The following CCSER1 variants were observed in gnomAD, a reference collection of about 807,000 sequenced individuals.
The protein encoded by CCSER1 is coiled-coil serine rich protein 1.
Under a neutral mutation model 82.0 loss-of-function variants are expected in CCSER1, and 41 were observed. The observed-to-expected ratio is 0.50, with a 90% confidence interval of 0.39 to 0.65. The LOEUF (loss-of-function observed/expected upper bound fraction) is 0.65, where lower values mean the gene tolerates loss of function less well. CCSER1 is among the 30% of genes least tolerant of loss of function. The pLI is 0.00. For synonymous variants in CCSER1, 414 were observed against 383.9 expected (o/e 1.08, Z -0.92); for missense variants, 1,119 against 1,064.2 (o/e 1.05, Z -0.72).
intron 1 of CCSER1, among the ~76,000 whole-genome samples, chr4:90,221,179 A>T (rs891437269): frequency 2.6e-5 from 4 of 152,148 alleles, no homozygotes; most frequent in Non-Finnish European, 5.9e-5. Flanking sequence ...ATCCTAAACT[A>T]TTATAAGTTT....
At chr4:91,076,359 T>A (rs748718677) in intron 9 of CCSER1, among the ~76,000 whole-genome samples, 19 of 151,954 alleles carry the variant, frequency 1.3e-4, no homozygotes, top group Non-Finnish European at 2.8e-4. Context: ...AAATGCTTAT[T>A]CCCAGCTCCT....
At chr4:91,379,037 A>G (rs1184045110) in intron 10 of CCSER1, among the ~76,000 whole-genome samples, 2 of 152,174 alleles carry the variant, frequency 1.3e-5, no homozygotes, top group East Asian at 1.9e-4. Context: ...GGTTCTGTTT[A>G]TATGCTGGAT....
intron 9 of CCSER1, among the ~76,000 whole-genome samples, chr4:91,073,878 A>G (rs1237925674): frequency 1.3e-5 from 2 of 152,122 alleles, no homozygotes; most frequent in African/African-American, 4.8e-5. Flanking sequence ...GAGATCATCC[A>G]TTACAACTCT....
intron 6 of CCSER1, among the ~76,000 whole-genome samples, chr4:90,631,731 A>G (rs1579593664): frequency 6.6e-6 from 1 of 152,298 alleles, no homozygotes; most frequent in South Asian, 2.1e-4. Flanking sequence ...CCTAATCTGA[A>G]AATCCAAAAT....
intron 3 of CCSER1, among the ~76,000 whole-genome samples, chr4:90,361,628 G>A (rs1745396789): frequency 6.6e-6 from 1 of 152,188 alleles, no homozygotes; most frequent in South Asian, 2.1e-4. Context: ...TACCCAATAG[G>A]TAGTTTTTCA....
intron 10 of CCSER1, among the ~76,000 whole-genome samples, chr4:91,408,709 T>G (rs1471329231): frequency 1.3e-5 from 2 of 152,208 alleles, no homozygotes; most frequent in Non-Finnish European, 2.9e-5. Context: ...AATTTCCACA[T>G]GCCTTGTATT....
intron 10 of CCSER1, among the ~76,000 whole-genome samples, chr4:91,348,714 A>T (rs1748243695): frequency 6.6e-6 from 1 of 152,150 alleles, no homozygotes; most frequent in Non-Finnish European, 1.5e-5. Flanking sequence ...CATTTCATCC[A>T]GGTTATCAAA....
intron 10 of CCSER1, among the ~76,000 whole-genome samples, chr4:91,311,535 C>G (rs758639619): frequency 1.3e-5 from 2 of 151,828 alleles, no homozygotes; most frequent in African/African-American, 2.4e-5. Context: ...TGCCTATTAT[C>G]TTTGTGCAAA....
intron 1 of CCSER1, among the ~76,000 whole-genome samples, chr4:90,208,303 A>G (rs968584471): frequency 2.6e-5 from 4 of 152,168 alleles, no homozygotes; most frequent in African/African-American, 9.6e-5. Context: ...TTTATGCTGT[A>G]AAGGGAAAAT....
intron 10 of CCSER1, among the ~76,000 whole-genome samples, chr4:91,188,120 A>G (rs1236990196): frequency 6.6e-6 from 1 of 152,078 alleles, no homozygotes; most frequent in Non-Finnish European, 1.5e-5. Flanking sequence ...AAAAATATCT[A>G]CCACGATTCT....
intron 5 of CCSER1, among the ~76,000 whole-genome samples, chr4:90,501,506 A>G (rs1442354513): frequency 6.6e-6 from 1 of 152,174 alleles, no homozygotes; most frequent in Non-Finnish European, 1.5e-5. Context: ...GACTGTCCAC[A>G]ACAACCAGCT....
chr4:90,135,157 G>A (rs1363876719), intron 1 of CCSER1, among the ~76,000 whole-genome samples: 2 of 152,060 alleles, frequency 1.3e-5, no homozygotes, highest in East Asian at 1.9e-4. Context: ...CTGATTTCTA[G>A]CCTAACATTT....
In CCSER1 at chr4:91,058,122, G is replaced by A. The variant is rs13105567; in HGVS notation, c.2173-27828G>A. Reference sequence around the variant, plus strand: ...GATTATTTCATCACCCAGGTGTTAAGCCTAGTGCCTGTTAGTTATTTTTCC... The same window carrying A: ...GATTATTTCATCACCCAGGTGTTAAACCTAGTGCCTGTTAGTTATTTTTCC... On this transcript the variant is annotated intron_variant, in intron 9 of 10. Coordinates refer to ENST00000509176, the MANE Select transcript of CCSER1 (RefSeq NM_001145065.2). Among the ~76,000 whole-genome samples, 1,227 of 152,128 alleles carry A rather than the reference G, an allele frequency of 8.1e-3. 9 individuals are homozygous for A. The highest frequency in any genetic ancestry group is 0.014 in the Non-Finnish European group (935 of 67,978).
At chr4:90,345,851 TAAATCATTTCAG>T (rs1205719201) in intron 3 of CCSER1, among the ~76,000 whole-genome samples, 6 of 152,144 alleles carry the variant, frequency 3.9e-5, no homozygotes, top group East Asian at 3.8e-4. Flanking sequence ...TCTCACTGTT[TAAATCATTTCAG>T]AAATCATTTC....
chr4:90,448,447 A>G (rs1302854741), intron 4 of CCSER1, among the ~76,000 whole-genome samples: 1 of 71,108 alleles, frequency 1.4e-5, no homozygotes, highest in Non-Finnish European at 2.5e-5. Context: ...TGAATTGAAT[A>G]TATATATATA....
intron 9 of CCSER1, among the ~76,000 whole-genome samples, chr4:91,071,782 C>A (rs1285734767): frequency 1.3e-5 from 2 of 152,046 alleles, no homozygotes; most frequent in Non-Finnish European, 2.9e-5. Flanking sequence ...ACATATCACA[C>A]ATTAAGTGCT....
intron 8 of CCSER1, among the ~76,000 whole-genome samples, chr4:90,899,055 A>G (rs528295118): frequency 8.6e-5 from 13 of 151,852 alleles, no homozygotes; most frequent in South Asian, 2.1e-4. Context: ...TTTTAACAAC[A>G]TTGGTTTGTT....
At chr4:91,491,728 A>G (rs960594122) in intron 10 of CCSER1, among the ~76,000 whole-genome samples, 2 of 152,122 alleles carry the variant, frequency 1.3e-5, no homozygotes, top group African/African-American at 4.8e-5. Flanking sequence ...GGAGCTGAAG[A>G]ATATTTTTTC....
Position 91,310,019 on chromosome 4 carries a change from TTGGCATG to T in CCSER1, c.2217+224031_2217+224037del, listed in dbSNP as rs1183257039. 1.5e-4 allele frequency among the ~76,000 whole-genome samples: 23 copies of T among 152,034 alleles called. No homozygotes were observed. In the East Asian group the frequency reaches 4.5e-3, roughly 30 times the overall value. On this transcript the variant is annotated intron_variant, in intron 10 of 10. Transcript: ENST00000509176. Reference sequence around the variant, plus strand: ...TCTCTCTTAACATCTCATAGTTACTTTGGCATGTGGCAGCAATTCCAATCCTCACAAT... The same window carrying T: ...TCTCTCTTAACATCTCATAGTTACTTTGGCAGCAATTCCAATCCTCACAAT...
Sources: gnomAD v4.1 joint callset for allele counts (sites outside exome capture counted in the v4.1 genomes callset) on GRCh38, gnomAD v4.1.1 for gene constraint, MANE v1.5 for transcripts, NCBI Gene and HGNC (gene_info 2026-07-23, HGNC 2026-07-21) for gene names.